Variants in EIF3E observed in about 807,000 individuals in gnomAD.
The protein encoded by EIF3E is eIF-3 p48.
EIF3E carries 25 observed loss-of-function variants against 59.3 expected under a neutral mutation model. The ratio of observed to expected loss-of-function variants is 0.42; its 90% CI spans 0.31 to 0.59. The LOEUF (loss-of-function observed/expected upper bound fraction) is 0.59. EIF3E is among the 20% of genes least tolerant of loss of function. The pLI is 0.15. For missense variants in EIF3E, 317 were observed against 534.3 expected (o/e 0.59, Z 4.01); for synonymous variants, 176 against 170.2 (o/e 1.03, Z -0.26).
intron 8 of EIF3E, among the ~76,000 whole-genome samples, chr8:108,216,972 A>G (rs952647720): frequency 4.6e-5 from 7 of 152,216 alleles, no homozygotes; most frequent in African/African-American, 1.4e-4. Context: ...CTTGGGGTCT[A>G]TTGAAACGGT....
At chr8:108,236,478 T>C (rs538190876) in intron 3 of EIF3E, among the ~76,000 whole-genome samples, 2 of 152,334 alleles carry the variant, frequency 1.3e-5, no homozygotes, top group South Asian at 2.1e-4. Flanking sequence ...CTTTAACAGT[T>C]TGTCAGACAA....
At chr8:108,231,970 T>C (rs1465850724) in intron 5 of EIF3E, 2 of 152,026 alleles carry the variant, frequency 1.3e-5, no homozygotes, top group Non-Finnish European at 2.9e-5. Context: ...AGCTCTTTCA[T>C]AGCTTATGTT....
chr8:108,208,142 C>T (rs1458775658), intron 10 of EIF3E, among the ~76,000 whole-genome samples: 1 of 152,134 alleles, frequency 6.6e-6, no homozygotes, highest in Non-Finnish European at 1.5e-5. Flanking sequence ...CTTCCCCCAA[C>T]CTCTCATCTT....
intron 3 of EIF3E, among the ~76,000 whole-genome samples, chr8:108,238,298 AT>A (rs1321322094): frequency 6.6e-6 from 1 of 152,162 alleles, no homozygotes; most frequent in Non-Finnish European, 1.5e-5. Flanking sequence ...ATCCCTTGGT[AT>A]CCCCAGAGCA....
chr8:108,213,358 G>T (rs928736681), intron 10 of EIF3E, among the ~76,000 whole-genome samples: 1 of 152,096 alleles, frequency 6.6e-6, no homozygotes, highest in Non-Finnish European at 1.5e-5. Context: ...TATTTATATT[G>T]TATACTCACA....
rs1353325168 is a variant in EIF3E, at chr8:108,201,908, T to C, written c.1315A>G (p.Thr439Ala). ...CTTCAGTAGAAGCCAGAATCTTGAGTTGCCCAGTTAGGAGCCTAAAATATG... is the reference window on the plus strand; with the variant it reads ...CTTCAGTAGAAGCCAGAATCTTGAGCTGCCCAGTTAGGAGCCTAAAATATG... ...NSRSEAPNWA[T>A]QDSGFY Residue 439 changes from threonine (T) to alanine (A), a missense_variant, in exon 13 of 13, where the codon ACT becomes GCT. This residue lies in a region of EIF3E where 45 missense variants were observed against 97.8 expected (regional missense o/e 0.46). Transcript: ENST00000220849. 2 of 1,580,752 alleles carry C rather than the reference T, an allele frequency of 1.3e-6. No homozygotes were observed. The highest frequency in any genetic ancestry group is 1.2e-5 in the South Asian group (1 of 83,154).
chr8:108,226,571 C>T (rs1276310637), intron 7 of EIF3E, among the ~76,000 whole-genome samples: 1 of 152,140 alleles, frequency 6.6e-6, no homozygotes, highest in Non-Finnish European at 1.5e-5. Flanking sequence ...GGTAAAAATA[C>T]TCCCAAATAT....
intron 10 of EIF3E, among the ~76,000 whole-genome samples, chr8:108,203,713 G>A (rs1815039540): frequency 6.6e-6 from 1 of 151,984 alleles, no homozygotes; most frequent in Admixed American, 6.6e-5. Context: ...TCACCAACTG[G>A]ACTGTAAAAT....
intron 5 of EIF3E, among the ~76,000 whole-genome samples, chr8:108,233,065 C>T (rs73306554): frequency 0.013 from 1,977 of 152,226 alleles, 49 homozygotes; most frequent in African/African-American, 0.045. Context: ...CTAAATCCCT[C>T]GTAATATTCA....
At chr8:108,237,071 C>T (rs864166) in intron 3 of EIF3E, among the ~76,000 whole-genome samples, 2 of 151,964 alleles carry the variant, frequency 1.3e-5, no homozygotes, top group African/African-American at 4.8e-5. Context: ...ATATACATGA[C>T]AGCTATGCTA....
chr8:108,208,403 G>A (rs915177271), intron 10 of EIF3E, among the ~76,000 whole-genome samples: 1 of 152,068 alleles, frequency 6.6e-6, no homozygotes, highest in Non-Finnish European at 1.5e-5. Flanking sequence ...ACTAATTAAA[G>A]AATCAGTGTT....
chr8:108,226,812 C>T (rs1482529274), intron 7 of EIF3E, among the ~76,000 whole-genome samples: 1 of 152,086 alleles, frequency 6.6e-6, no homozygotes, highest in Non-Finnish European at 1.5e-5. Context: ...CAAAGCAAAA[C>T]CCCCCATGAT....
At chr8:108,243,925 C>T (rs1399597087) in intron 1 of EIF3E, among the ~76,000 whole-genome samples, 1 of 152,160 alleles carries the variant, frequency 6.6e-6, no homozygotes, top group African/African-American at 2.4e-5. Flanking sequence ...TAATTTGCCA[C>T]GTCTCTCTCC....
chr8:108,215,361 G>A (rs1815282225), intron 9 of EIF3E, among the ~76,000 whole-genome samples: 2 of 152,120 alleles, frequency 1.3e-5, no homozygotes, highest in Non-Finnish European at 2.9e-5. Context: ...GCTGACGCCT[G>A]TAATCCCAGC....
At position 108,201,883 on chromosome 8, in the gene EIF3E, C is replaced by G; in HGVS notation, c.*2G>C. The G allele has an allele frequency of 2.0e-6, 3 of 1,528,980 alleles. No homozygotes were observed. Among genetic ancestry groups the G allele is most frequent in the Non-Finnish European group, 2.6e-6 (3 of 1,137,682 alleles). The allele number at this position is 1,528,980 out of a possible 1,614,324, so 94.7% of individuals were successfully genotyped here. ...TTTTTTTCATCTTTTCTTTATGGTT[C>G]TTCAGTAGAAGCCAGAATCTTGAGT... On this transcript the variant is annotated 3_prime_UTR_variant, in exon 13 of 13. Coordinates refer to ENST00000220849, the MANE Select transcript of EIF3E (RefSeq NM_001568.3).
At chr8:108,220,647 A>G (rs748295013) in intron 7 of EIF3E, among the ~76,000 whole-genome samples, 3 of 152,210 alleles carry the variant, frequency 2.0e-5, no homozygotes, top group Non-Finnish European at 4.4e-5. Context: ...TAACTTCCAG[A>G]GCCATTCAGT....
chr8:108,240,650 A>G (rs1470766622), intron 2 of EIF3E, among the ~76,000 whole-genome samples: 1 of 152,332 alleles, frequency 6.6e-6, no homozygotes, highest in East Asian at 1.9e-4. Context: ...AAACTTGCAC[A>G]TAACCAACTC....
intron 3 of EIF3E, 66 bp downstream of exon 3, chr8:108,239,892 T>C (rs994728071): frequency 2.4e-6 from 3 of 1,260,378 alleles, no homozygotes. Flanking sequence ...TGGATAAAGT[T>C]TGAATTAACA....
At chr8:108,246,527 A>G (rs1167308523) in intron 1 of EIF3E, among the ~76,000 whole-genome samples, 1 of 152,226 alleles carries the variant, frequency 6.6e-6, no homozygotes, top group African/African-American at 2.4e-5. Flanking sequence ...TCTGGGTTTT[A>G]TCTTGGATTT....
Sources: allele counts gnomAD v4.1 joint callset (sites outside exome capture counted in the v4.1 genomes callset), GRCh38; gene constraint gnomAD v4.1.1; regional missense constraint gnomAD v4.1.1; transcripts MANE v1.5; gene names NCBI Gene and HGNC (gene_info 2026-07-23, HGNC 2026-07-21).